Variants in CEP295 observed in about 807,000 individuals in gnomAD.
CEP295 encodes the protein centrosomal protein of 295 kDa.
Under a neutral mutation model 291.6 loss-of-function variants are expected in CEP295, and 190 were observed. The ratio of observed to expected loss-of-function variants is 0.65; its 90% CI spans 0.58 to 0.73. CEP295 has a LOEUF of 0.73. Ranked by LOEUF, CEP295 falls within the 30% of genes least tolerant of loss-of-function variation. The probability of loss-of-function intolerance (pLI) is 0.00; values close to 1 mark genes in which losing one functional copy is unlikely to be tolerated. For missense variants in CEP295, 2,863 were observed against 2,949.4 expected (o/e 0.97, Z 0.68); for synonymous variants, 993 against 1,038.8 (o/e 0.96, Z 0.85).
rs932251204 is a variant in CEP295 at position 93,687,685 on chromosome 11, C to G, written c.1156C>G (p.Leu386Val). The change falls in exon 10 of 30, where the codon CTT (leucine) becomes GTT (valine). Residue 386 changes from leucine to valine, a missense_variant. Around this residue, in one of 3 missense-constraint regions of CEP295, gnomAD observed 554 missense variants for 576.0 expected, o/e 0.96. Coordinates refer to ENST00000325212, the MANE Select transcript of CEP295 (RefSeq NM_033395.2). ...GACCCAACAGATTCCTTCAAAAGTT[C>G]TTTTTAAAAAATTATTAAATAAGAT... ...MKTQQIPSKV[L>V]FKKLLNKIRS... 6.5e-7 allele frequency: 1 copy of G among 1,541,906 alleles called. No individual in the cohort carries two copies. The highest frequency in any genetic ancestry group is 1.4e-5 in the African/African-American group (1 of 72,672).
intron 18 of CEP295, among the ~76,000 whole-genome samples, chr11:93,720,805 T>A (rs1006958576): frequency 1.3e-5 from 2 of 152,112 alleles, no homozygotes; most frequent in African/African-American, 4.8e-5. Context: ...CTGTGTTGCC[T>A]AGGCTGGTCT....
At position 93,696,384 on chromosome 11, in the gene CEP295, G is replaced by A. The variant is rs780851699; in HGVS notation, c.1736G>A (p.Arg579His). Residue 579 changes from arginine to histidine, a missense_variant, in exon 14 of 30, where the codon CGT (arginine) becomes CAT (histidine). By Grantham distance (29) the Arg-to-His change is conservative (BLOSUM62 0). Coordinates refer to ENST00000325212, the MANE Select transcript of CEP295 (RefSeq NM_033395.2). Reference sequence around the variant, plus strand: ...GAAGATAGTCATAGGCAGATGATTCGTAACTATCAACATCAGCTTTTACAA... The same window carrying A: ...GAAGATAGTCATAGGCAGATGATTCATAACTATCAACATCAGCTTTTACAA... ...SDEDSHRQMI[R>H]NYQHQLLQQN... 1.3e-5 allele frequency: 20 copies of A among 1,549,678 alleles called. No individual in the cohort carries two copies. The highest frequency in any genetic ancestry group is 1.7e-4 in the Middle Eastern group (1 of 5,964).
At position 93,730,214 on chromosome 11, in the gene CEP295, T is replaced by C. The variant is rs1251090554; in HGVS notation, c.7768-17T>C. The C allele has an allele frequency of 6.4e-7, 1 of 1,551,356 alleles. No individual in the cohort carries two copies. Among genetic ancestry groups the C allele is most frequent in the South Asian group, 1.2e-5 (1 of 84,046 alleles). On this transcript the variant is annotated splice_polypyrimidine_tract_variant and intron_variant, in intron 29 of 29. Transcript: ENST00000325212. Reference sequence around the variant, plus strand: ...TGAAGTACACAACTGAAACTCAAATTTTTATTCCTTCCACAGAAAACACTA... The same window carrying C: ...TGAAGTACACAACTGAAACTCAAATCTTTATTCCTTCCACAGAAAACACTA...
At position 93,664,335 on chromosome 11, in the gene CEP295, A is replaced by G. The variant is rs538018549; in HGVS notation, c.-26-2347A>G. Among the ~76,000 whole-genome samples, 19 of 152,344 alleles carry G rather than the reference A, an allele frequency of 1.2e-4. No individual in the cohort carries two copies. In the South Asian group the frequency reaches 3.9e-3, roughly 32 times the overall value. ...TGTTGGAAAGTTAGGAGCCATTTGG[A>G]ATAAGGAAACCAGATTCTTCCCTTG... is the stretch of plus-strand genomic sequence containing the variant. On this transcript the variant is annotated intron_variant, in intron 1 of 29. Coordinates refer to ENST00000325212, the MANE Select transcript of CEP295 (RefSeq NM_033395.2).
chr11:93,696,284 A>T, intron 13 of CEP295, 36 bp from the exon 14 acceptor site: 1 of 1,278,980 alleles, frequency 7.8e-7, no homozygotes, highest in Non-Finnish European at 1.1e-6. Context: ...TTACTTCTAA[A>T]TTTGCTTTTT....
chr11:93,695,787 G>C (rs1371735514), intron 13 of CEP295, 153 bp downstream of exon 13: 1 of 770,374 alleles, frequency 1.3e-6, no homozygotes, highest in African/African-American at 1.9e-5. Context: ...GAGACAGGCA[G>C]ATCACTTCAG....
At chr11:93,691,517 G>C (rs1413062558) in intron 10 of CEP295, among the ~76,000 whole-genome samples, 166 bp from the exon 11 acceptor site, 1 of 152,094 alleles carries the variant, frequency 6.6e-6, no homozygotes, top group African/African-American at 2.4e-5. Context: ...TTAGGCTTGG[G>C]TTTAATGAGA....
chr11:93,728,663 TTTAA>T lies in CEP295; in HGVS notation c.7162-15_7162-12del, dbSNP rs1450656912. On this transcript the variant is annotated splice_polypyrimidine_tract_variant and intron_variant, in intron 24 of 29. Coordinates refer to ENST00000325212, the MANE Select transcript of CEP295 (RefSeq NM_033395.2). ...AAGGCTATTTTGACATGGTTTTCCT[TTTAA>T]TTGTGGTTCACAGGAAACAGAAACT... 3.3e-6 allele frequency: 5 copies of T among 1,516,494 alleles called. No homozygotes were observed. The highest frequency in any genetic ancestry group is 2.5e-5 in the East Asian group (1 of 40,322). 93.9% of individuals were successfully genotyped at this position (1,516,494 alleles called of 1,614,324 possible). A position where few individuals can be genotyped will look rare whatever the true frequency, so the allele number is the denominator to read the frequency against.
chr11:93,664,517 A>G (rs1950124638), intron 1 of CEP295, among the ~76,000 whole-genome samples: 1 of 152,234 alleles, frequency 6.6e-6, no homozygotes, highest in South Asian at 2.1e-4. Context: ...GATTTTTTTA[A>G]TGCCAGCAGT....
At position 93,729,672 on chromosome 11, in the gene CEP295, G is replaced by A. The variant is rs1938116148; in HGVS notation, c.7458G>A (p.Arg2486=). 6.4e-7 allele frequency: 1 copy of A among 1,550,572 alleles called. No homozygotes were observed. Among genetic ancestry groups the A allele is most frequent in the Non-Finnish European group, 8.7e-7 (1 of 1,146,624 alleles). Residue 2486 remains arginine, a synonymous_variant, in exon 27 of 30, where the codon AGG becomes AGA. Transcript: ENST00000325212. ...GCTTACAAGAAGCATTTATAAAGAG[G>A]AAAAAATCATTTATGGAGAGATCCC... The part of the protein sequence containing the change: ...PGSLQEAFIK[R]KKSFMERSHQ...
chr11:93,728,274 C>G lies in CEP295; in HGVS notation c.7162-407C>G, dbSNP rs148328496. The G allele has an allele frequency of 3.6e-3, 564 of 157,962 alleles. 3 individuals are homozygous for G. Among genetic ancestry groups the G allele is most frequent in the Admixed American group, 6.5e-3 (101 of 15,566 alleles). 9.8% of individuals were successfully genotyped at this position (157,962 alleles called of 1,614,324 possible). ...CTTTTGTTCTTGTTGTGTTTAGATA[C>G]TTTTGAAACATTATCTGTTAGCAGT... On this transcript the variant is annotated intron_variant, in intron 24 of 29. Transcript: ENST00000325212.
At chr11:93,703,340 C>T (rs1952295988) in intron 17 of CEP295, among the ~76,000 whole-genome samples, 1 of 151,622 alleles carries the variant, frequency 6.6e-6, no homozygotes, top group Non-Finnish European at 1.5e-5. Flanking sequence ...AAAAAGAAAC[C>T]TAGACTGACT....
Position 93,699,999 on chromosome 11 carries a change from G to A in CEP295, c.5087G>A (p.Ser1696Asn). ...CCAGGGTTTCAAGATAGACTTTTGA[G>A]TTTTTCACAGTCTGTCTTAACTCAG... ...VIPGFQDRLLSFSQSVLTQQD... is the reference protein window; with the variant it reads ...VIPGFQDRLLNFSQSVLTQQD... The change falls in exon 15 of 30, where the codon AGT (serine) becomes AAT (asparagine). Residue 1696 changes from serine to asparagine, a missense_variant. Ser to Asn is a conservative substitution (Grantham distance 46). Transcript: ENST00000325212. The A allele has an allele frequency of 1.3e-6, 2 of 1,551,736 alleles. No individual in the cohort carries two copies. Among genetic ancestry groups the A allele is most frequent in the Non-Finnish European group, 1.7e-6 (2 of 1,146,990 alleles).
intron 6 of CEP295, among the ~76,000 whole-genome samples, chr11:93,677,581 A>T (rs1172041026): frequency 1.3e-5 from 2 of 152,160 alleles, no homozygotes; most frequent in Non-Finnish European, 2.9e-5. Context: ...CCTACATTAC[A>T]TATTCATGGG....
At position 93,728,724 on chromosome 11, in the gene CEP295, C is replaced by G; in HGVS notation, c.7205C>G (p.Thr2402Ser). ...GHGIMEEPEL[T>S]LISTTDTSIA... ...GGTATAATGGAAGAACCAGAACTTACTTTAATAAGCACCACTGATACCAGT... is the reference window on the plus strand; with the variant it reads ...GGTATAATGGAAGAACCAGAACTTAGTTTAATAAGCACCACTGATACCAGT... Residue 2402 changes from threonine to serine, a missense_variant, in exon 25 of 30, where the codon ACT becomes AGT. Thr to Ser is a moderately conservative substitution (Grantham distance 58). Transcript: ENST00000325212. 6.5e-7 allele frequency: 1 copy of G among 1,549,838 alleles called. No individual in the cohort carries two copies. Among genetic ancestry groups the G allele is most frequent in the Non-Finnish European group, 8.7e-7 (1 of 1,146,372 alleles).
chr11:93,669,856 C>CTTA, intron 5 of CEP295, 86 bp downstream of exon 5: 1 of 795,796 alleles, frequency 1.3e-6, no homozygotes, highest in Non-Finnish European at 2.0e-6. Context: ...ATCACTTAAA[C>CTTA]TTAATTGTAC....
chr11:93,724,336 A>C lies in CEP295; in HGVS notation c.6279A>C (p.Ser2093=). ...ATCCAGATTTTGACTTATCATCATC[A>C]TCCTCTGGGATTTCTCCAGACAACA... The part of the protein sequence containing the change: ...EPHPDFDLSS[S]SSGISPDNRD... The change falls in exon 22 of 30, where the codon TCA becomes TCC. Residue 2093 remains serine, a synonymous_variant. Transcript: ENST00000325212. The C allele has an allele frequency of 1.3e-6, 2 of 1,550,228 alleles. No individual in the cohort carries two copies. The highest frequency in any genetic ancestry group is 1.7e-6 in the Non-Finnish European group (2 of 1,145,630).
chr11:93,683,789 G>A (rs1417688023), intron 8 of CEP295, 47 bp downstream of exon 8: 4 of 1,496,240 alleles, frequency 2.7e-6, no homozygotes. Flanking sequence ...TATACGTTTT[G>A]GTGGGAAAAT....
intron 15 of CEP295, among the ~76,000 whole-genome samples, chr11:93,700,824 T>A (rs545869257): frequency 6.6e-6 from 1 of 152,338 alleles, no homozygotes; most frequent in East Asian, 1.9e-4. Context: ...GAATTTCTCT[T>A]ATGCAGCAAC....
Sources: gnomAD v4.1 joint callset for allele counts (sites outside exome capture counted in the v4.1 genomes callset) on GRCh38, gnomAD v4.1.1 for gene constraint, gnomAD v4.1.1 regional missense constraint, MANE v1.5 for transcripts, NCBI Gene and HGNC (gene_info 2026-07-23, HGNC 2026-07-21) for gene names.